Variants in EPB41L4B observed in about 807,000 individuals in gnomAD.
The protein encoded by EPB41L4B is band 4.1-like protein 4B.
Under a neutral mutation model 112.5 loss-of-function variants are expected in EPB41L4B, and 30 were observed. That is an observed-to-expected ratio of 0.27 (90% confidence interval 0.20 to 0.36). The LOEUF is 0.36. Among genes scored for constraint, EPB41L4B ranks in the 10% least tolerant of loss-of-function variants. The pLI is 1.00. For missense variants in EPB41L4B, 1,024 were observed against 1,133.3 expected, an observed-to-expected ratio of 0.90 and a Z score of 1.38; for synonymous variants, 408 against 439.7, an observed-to-expected ratio of 0.93 and a Z score of 0.90.
At position 109,244,882 on chromosome 9, in the gene EPB41L4B, AGCAG is replaced by A. The variant is rs141756050; in HGVS notation, c.1345-1204_1345-1201del. ...CCTTCTCAGGATACTTTGCTTAGTA[AGCAG>A]TGGCCTGCTCTCTGGCACAGAGAAT... On this transcript the variant is annotated intron_variant, in intron 14 of 25. Coordinates refer to ENST00000374566, the MANE Select transcript of EPB41L4B (RefSeq NM_019114.5). Among the ~76,000 whole-genome samples the A allele has an allele frequency of 5.3e-3, 802 of 152,308 alleles. 4 individuals are homozygous for A. The highest frequency in any genetic ancestry group is 0.019 in the African/African-American group (782 of 41,560).
chr9:109,238,682 G>A (rs1464824154), intron 15 of EPB41L4B, among the ~76,000 whole-genome samples: 2 of 152,112 alleles, frequency 1.3e-5, no homozygotes, highest in East Asian at 1.9e-4. Flanking sequence ...AAGGGAGGGG[G>A]TTATTACTGG....
intron 12 of EPB41L4B, among the ~76,000 whole-genome samples, chr9:109,251,735 G>T: frequency 6.6e-6 from 1 of 152,160 alleles, no homozygotes; most frequent in Non-Finnish European, 1.5e-5. Context: ...CCCAGGGCTG[G>T]GCGCTCTGGG....
intron 15 of EPB41L4B, among the ~76,000 whole-genome samples, chr9:109,230,423 T>C (rs1349232804): frequency 6.6e-6 from 1 of 152,236 alleles, no homozygotes; most frequent in African/African-American, 2.4e-5. Context: ...GTAACTCACT[T>C]ATCTGGGTGG....
At chr9:109,290,641 G>A (rs1190081358) in intron 1 of EPB41L4B, among the ~76,000 whole-genome samples, 1 of 151,674 alleles carries the variant, frequency 6.6e-6, no homozygotes, top group African/African-American at 2.4e-5. Flanking sequence ...CTGATTTCAT[G>A]ATTAGTTACC....
At chr9:109,289,537 A>G (rs1381492282) in intron 1 of EPB41L4B, among the ~76,000 whole-genome samples, 1 of 152,242 alleles carries the variant, frequency 6.6e-6, no homozygotes, top group Non-Finnish European at 1.5e-5. Context: ...CTCAGTTCCT[A>G]CAACAGTCTT....
intron 18 of EPB41L4B, among the ~76,000 whole-genome samples, chr9:109,206,644 C>A (rs1022467871): frequency 6.6e-5 from 10 of 152,226 alleles, no homozygotes; most frequent in Non-Finnish European, 1.3e-4. Context: ...GATTCTGAGG[C>A]TGCATTTAGG....
At chr9:109,220,441 G>T (rs371462297) in intron 15 of EPB41L4B, among the ~76,000 whole-genome samples, 1 of 152,188 alleles carries the variant, frequency 6.6e-6, no homozygotes. Flanking sequence ...GAGGAGACTG[G>T]TTGGGGAGAG....
chr9:109,268,457 T>C, intron 2 of EPB41L4B, 24 bp from the exon 3 acceptor site: 1 of 1,602,512 alleles, frequency 6.2e-7, no homozygotes, highest in Non-Finnish European at 8.5e-7. Context: ...AAAAAGTTTC[T>C]TTAGGAATAG....
In EPB41L4B at chr9:109,307,398, C is replaced by T. The variant is rs1837252360; in HGVS notation, c.306+12743G>A. ...TTCCTGCTCTCCCATTACAATATCC[C>T]ATATCCCAGACCTCCTTTCTCAGGT... is the stretch of plus-strand genomic sequence containing the variant. On this transcript the variant is annotated intron_variant, in intron 1 of 25. Coordinates refer to ENST00000374566, the MANE Select transcript of EPB41L4B (RefSeq NM_019114.5). The T allele has an allele frequency of 2.8e-5, 10 of 353,882 alleles. No homozygotes were observed. The Admixed American group carries it at 3.8e-4, about 13-fold the overall frequency. The allele number at this position is 353,882 out of a possible 1,614,324, so 21.9% of individuals were successfully genotyped here.
At position 109,174,447 on chromosome 9, in the gene EPB41L4B, G is replaced by A. The variant is rs755786289; in HGVS notation, c.*107C>T. 8.1e-6 allele frequency: 9 copies of A among 1,110,510 alleles called. No individual in the cohort carries two copies. Among genetic ancestry groups the A allele is most frequent in the South Asian group, 5.2e-5 (4 of 77,234 alleles). 68.8% of individuals were successfully genotyped at this position (1,110,510 alleles called of 1,614,324 possible). A position where few individuals can be genotyped will look rare whatever the true frequency, so the allele number is the denominator to read the frequency against. Reference sequence around the variant, plus strand: ...TTCAACTAACCATGGAGACCTGGGCGAACAGAGCACACACTTGTATGCTGT... The same window carrying A: ...TTCAACTAACCATGGAGACCTGGGCAAACAGAGCACACACTTGTATGCTGT... On this transcript the variant is annotated 3_prime_UTR_variant, in exon 26 of 26. Coordinates refer to ENST00000374566, the MANE Select transcript of EPB41L4B (RefSeq NM_019114.5).
intron 5 of EPB41L4B, among the ~76,000 whole-genome samples, chr9:109,264,625 A>G (rs1010652610): frequency 6.6e-6 from 1 of 152,228 alleles, no homozygotes. Flanking sequence ...GATGAATGAC[A>G]CTTTTTGACT....
At chr9:109,303,382 G>A (rs550935184) in intron 1 of EPB41L4B, among the ~76,000 whole-genome samples, 1 of 152,070 alleles carries the variant, frequency 6.6e-6, no homozygotes, top group Non-Finnish European at 1.5e-5. Context: ...ATCTTGCTCT[G>A]TCTCCCAGGC....
At chr9:109,287,342 A>G (rs1836328145) in intron 1 of EPB41L4B, among the ~76,000 whole-genome samples, 1 of 152,238 alleles carries the variant, frequency 6.6e-6, no homozygotes, top group Non-Finnish European at 1.5e-5. Context: ...GTCTGACTGC[A>G]ACCTGACCCA....
rs1180071092 is a variant in EPB41L4B at position 109,172,274 on chromosome 9, C to G, written c.*2280G>C. 1 of 152,124 alleles carries G rather than the reference C, an allele frequency of 6.6e-6. No homozygotes were observed. The highest frequency in any genetic ancestry group is 6.6e-5 in the Admixed American group (1 of 15,256). The allele number at this position is 152,124 out of a possible 1,614,324, so 9.4% of individuals were successfully genotyped here. On this transcript the variant is annotated 3_prime_UTR_variant, in exon 26 of 26. Coordinates refer to ENST00000374566, the MANE Select transcript of EPB41L4B (RefSeq NM_019114.5). ...CCTTCAGCTTTGCCCTGGAGGTTTC[C>G]ATCAGCGAGCAGGAGGTGAAGAGCA...
intron 1 of EPB41L4B, among the ~76,000 whole-genome samples, chr9:109,306,339 T>C (rs1208390578): frequency 6.6e-6 from 1 of 152,094 alleles, no homozygotes; most frequent in East Asian, 1.9e-4. Context: ...GGGCCAGGCG[T>C]GGTGGCTCAC....
Position 109,305,589 on chromosome 9 carries a change from T to G in EPB41L4B, c.306+14552A>C, listed in dbSNP as rs139553740. Reference sequence around the variant, plus strand: ...GTGGAGACTGCGCCACTGCACTCCATCCTGGGCGAAAGAGGGAGACTCTGT... The same window carrying G: ...GTGGAGACTGCGCCACTGCACTCCAGCCTGGGCGAAAGAGGGAGACTCTGT... On this transcript the variant is annotated intron_variant, in intron 1 of 25. Coordinates refer to ENST00000374566, the MANE Select transcript of EPB41L4B (RefSeq NM_019114.5). 7.0e-3 allele frequency among the ~76,000 whole-genome samples: 1,055 copies of G among 150,328 alleles called. 12 individuals carry two copies. The highest frequency in any genetic ancestry group is 0.025 in the African/African-American group (1,012 of 40,768).
intron 18 of EPB41L4B, among the ~76,000 whole-genome samples, chr9:109,207,312 G>A (rs779403167): frequency 1.2e-4 from 18 of 152,268 alleles, no homozygotes; most frequent in South Asian, 6.2e-4. Context: ...GCTCATGCCT[G>A]TAATCCCAGT....
chr9:109,307,766 GAGAGCTGGAGAA>G (rs1309809465), intron 1 of EPB41L4B, among the ~76,000 whole-genome samples: 1 of 152,146 alleles, frequency 6.6e-6, no homozygotes, highest in African/African-American at 2.4e-5. Context: ...ACATGGGCAG[GAGAGCTGGAGAA>G]AGCCCCAGCT....
intron 15 of EPB41L4B, among the ~76,000 whole-genome samples, chr9:109,226,201 A>G (rs971407970): frequency 6.6e-6 from 1 of 152,092 alleles, no homozygotes; most frequent in Admixed American, 6.5e-5. Flanking sequence ...TGGCTTTTAC[A>G]TAGGTTTGGT....
Sources: allele counts gnomAD v4.1 joint callset (sites outside exome capture counted in the v4.1 genomes callset), GRCh38; gene constraint gnomAD v4.1.1; transcripts MANE v1.5; gene names NCBI Gene and HGNC (gene_info 2026-07-23, HGNC 2026-07-21).